ELMOD1: variants seen among roughly 807,000 people sequenced by gnomAD.
ELMOD1 encodes ELMO domain containing 1, also known as ELMO domain-containing protein 1.
Under a neutral mutation model 46.7 loss-of-function variants are expected in ELMOD1, and 21 were observed. The observed-to-expected ratio is 0.45, with a 90% CI of 0.32 to 0.65. The LOEUF (loss-of-function observed/expected upper bound fraction) is 0.65. Ranked by LOEUF, ELMOD1 falls within the 30% of genes least tolerant of loss-of-function variation. ELMOD1 has a pLI of 0.04. For synonymous variants in ELMOD1, 122 were observed against 138.2 expected (o/e 0.88, Z 0.82); for missense variants, 348 against 407.8 (o/e 0.85, Z 1.26).
At chr11:107,613,454 C>A (rs2135668813) in intron 1 of ELMOD1, among the ~76,000 whole-genome samples, 1 of 152,282 alleles carries the variant, frequency 6.6e-6, no homozygotes, top group African/African-American at 2.4e-5. Flanking sequence ...CATGCACACT[C>A]CCTGCCATAT....
chr11:107,639,635 A>G (rs368183449), intron 6 of ELMOD1, among the ~76,000 whole-genome samples: 15 of 152,262 alleles, frequency 9.9e-5, no homozygotes, highest in South Asian at 4.2e-4. Flanking sequence ...GAAGTGTTCA[A>G]ATAAACTTGT....
At chr11:107,652,575 G>T (rs1156727790) in intron 9 of ELMOD1, among the ~76,000 whole-genome samples, 2 of 152,116 alleles carry the variant, frequency 1.3e-5, no homozygotes. Context: ...AAGCTATGCT[G>T]AAGAGAAAAT....
chr11:107,651,427 G>T (rs1866524283), intron 9 of ELMOD1, among the ~76,000 whole-genome samples: 1 of 152,120 alleles, frequency 6.6e-6, no homozygotes. Flanking sequence ...TGTTTGCTAA[G>T]TAAATCCAAA....
intron 9 of ELMOD1, among the ~76,000 whole-genome samples, chr11:107,653,050 C>T (rs1217193002): frequency 6.6e-6 from 1 of 152,130 alleles, no homozygotes; most frequent in Non-Finnish European, 1.5e-5. Context: ...TGCCCATTTT[C>T]TCTTCAGCAA....
intron 3 of ELMOD1, 59 bp from the exon 4 acceptor site, chr11:107,630,641 T>G (rs1374355727): frequency 6.9e-6 from 11 of 1,601,826 alleles, no homozygotes; most frequent in Non-Finnish European, 9.4e-6. Flanking sequence ...AGTGTAGTAA[T>G]TCTAAACCAT....
At chr11:107,606,233 A>G (rs765073485) in intron 1 of ELMOD1, among the ~76,000 whole-genome samples, 6 of 152,140 alleles carry the variant, frequency 3.9e-5, no homozygotes, top group African/African-American at 1.2e-4. Flanking sequence ...CATTATCTCA[A>G]TTTGCTAATT....
chr11:107,661,128 G>T (rs976954385), intron 11 of ELMOD1, among the ~76,000 whole-genome samples: 1 of 152,302 alleles, frequency 6.6e-6, no homozygotes, highest in African/African-American at 2.4e-5. Context: ...TTCCTGATGG[G>T]ATAGAGAAAG....
chr11:107,650,986 A>G, intron 9 of ELMOD1, 78 bp downstream of exon 9: 1 of 802,218 alleles, frequency 1.2e-6, no homozygotes, highest in East Asian at 4.0e-5. Context: ...TTTTTAAGGA[A>G]CTCTGAATTT....
intron 11 of ELMOD1, among the ~76,000 whole-genome samples, chr11:107,659,140 G>A (rs527569022): frequency 3.3e-5 from 5 of 152,244 alleles, no homozygotes; most frequent in South Asian, 2.1e-4. Flanking sequence ...AGGGTTTGCC[G>A]GGTGGTGACT....
chr11:107,664,793 T>A (rs752717593), intron 11 of ELMOD1, among the ~76,000 whole-genome samples: 1 of 151,884 alleles, frequency 6.6e-6, no homozygotes, highest in Non-Finnish European at 1.5e-5. Flanking sequence ...TTGGGAAGAG[T>A]GAGAATGATT....
intron 1 of ELMOD1, among the ~76,000 whole-genome samples, chr11:107,606,934 A>G (rs1865695061): frequency 6.6e-6 from 1 of 152,242 alleles, no homozygotes; most frequent in Admixed American, 6.5e-5. Flanking sequence ...CAAAAAATGT[A>G]ATGAGATGAT....
At chr11:107,608,147 G>T (rs35005608) in intron 1 of ELMOD1, among the ~76,000 whole-genome samples, 52,246 of 151,584 alleles carry the variant, frequency 0.34, 9,966 homozygotes, top group East Asian at 0.52. Flanking sequence ...TACAGTAATT[G>T]TGTTTTGAGG....
chr11:107,659,707 A>G (rs73557781), intron 11 of ELMOD1, among the ~76,000 whole-genome samples: 1 of 134,502 alleles, frequency 7.4e-6, no homozygotes, highest in African/African-American at 3.3e-5. Flanking sequence ...GGATGGATGG[A>G]TGGCTAAAAT....
chr11:107,625,203 G>T (rs955320425), intron 2 of ELMOD1, among the ~76,000 whole-genome samples: 5 of 152,144 alleles, frequency 3.3e-5, no homozygotes, highest in Non-Finnish European at 2.9e-5. Context: ...ATTCCCAACC[G>T]ATTGTCAGTG....
At chr11:107,647,687 A>C (rs1218410835) in intron 7 of ELMOD1, 86 bp downstream of exon 7, 2 of 1,390,280 alleles carry the variant, frequency 1.4e-6, no homozygotes, top group Non-Finnish European at 1.9e-6. Context: ...AATTAGCTTC[A>C]AAAGGTACTT....
chr11:107,644,915 TTTTTG>T (rs1565385749), intron 6 of ELMOD1, among the ~76,000 whole-genome samples: 4,042 of 127,878 alleles, frequency 0.032, 167 homozygotes, highest in African/African-American at 0.097. Context: ...AGGGTTTTTG[TTTTTG>T]TTTTTGTTTT....
At chr11:107,649,997 G>T (rs1168882556) in intron 7 of ELMOD1, among the ~76,000 whole-genome samples, 5 of 151,924 alleles carry the variant, frequency 3.3e-5, no homozygotes, top group Non-Finnish European at 5.9e-5. Flanking sequence ...CCTTCTGAAG[G>T]CCTCCAAACA....
chr11:107,608,249 G>C (rs539270899), intron 1 of ELMOD1, among the ~76,000 whole-genome samples: 15 of 152,160 alleles, frequency 9.9e-5, no homozygotes, highest in African/African-American at 3.6e-4. Flanking sequence ...AAGGACCATG[G>C]AACTTCTTCT....
chr11:107,658,753 G>A lies in ELMOD1; in HGVS notation c.832+2687G>A, dbSNP rs545229503. On this transcript the variant is annotated intron_variant, in intron 11 of 11. Coordinates refer to ENST00000265840, the MANE Select transcript of ELMOD1 (RefSeq NM_018712.4). ...AGTTCAAGACCAGCCTGATCAAAAG[G>A]GTGAAACCCTGTCTCTATGAAAAAT... Among the ~76,000 whole-genome samples, 29 of 152,302 alleles carry A rather than the reference G, an allele frequency of 1.9e-4. 1 individual carries two copies. The highest frequency in any genetic ancestry group is 1.7e-3 in the Admixed American group (26 of 15,298).
Sources: allele counts gnomAD v4.1 joint callset (sites outside exome capture counted in the v4.1 genomes callset), GRCh38; gene constraint gnomAD v4.1.1; transcripts MANE v1.5; gene names NCBI Gene and HGNC (gene_info 2026-07-23, HGNC 2026-07-21).